Variants in ERAP1 observed in about 807,000 individuals in gnomAD.
ERAP1 encodes endoplasmic reticulum aminopeptidase 1, also known as adipocyte-derived leucine aminopeptidase.
ERAP1 carries 86 observed loss-of-function variants against 103.7 expected under a neutral mutation model. That is an observed-to-expected ratio of 0.83 (90% CI 0.70 to 0.99). The LOEUF is 0.99. Ranked by LOEUF, ERAP1 falls within the 50% of genes least tolerant of loss-of-function variation. The probability of loss-of-function intolerance (pLI) is 0.00; values close to 1 mark genes in which losing one functional copy is unlikely to be tolerated. For synonymous variants in ERAP1, 398 were observed against 402.4 expected (o/e 0.99, Z 0.13); for missense variants, 1,009 against 1,128.4 (o/e 0.89, Z 1.52).
intron 2 of ERAP1, among the ~76,000 whole-genome samples, chr5:96,802,314 T>G (rs1265335041): frequency 6.6e-6 from 1 of 152,094 alleles, no homozygotes; most frequent in African/African-American, 2.4e-5. Flanking sequence ...TAGTCATTTA[T>G]ATAAAACATC....
chr5:96,909,263 C>T, the ERAP1 span: 13 of 746,938 alleles, frequency 1.7e-5, no homozygotes, highest in African/African-American at 2.3e-4. Context: ...GTCAATGACC[C>T]TTGTTCTTTA....
intron 8 of ERAP1, 126 bp from the exon 9 acceptor site, chr5:96,790,769 G>A: frequency 1.2e-6 from 1 of 855,842 alleles, no homozygotes; most frequent in Non-Finnish European, 1.9e-6. Flanking sequence ...TTAATGTCTG[G>A]CAATTTGTGA....
chr5:96,880,404 T>C, the ERAP1 span: 1 of 762,024 alleles, frequency 1.3e-6, no homozygotes. Flanking sequence ...AGATCTACCA[T>C]TCCTTAAGGA....
intron 11 of ERAP1, among the ~76,000 whole-genome samples, chr5:96,787,843 CAT>C: frequency 6.7e-6 from 1 of 148,912 alleles, no homozygotes; most frequent in East Asian, 2.2e-4. Context: ...TACACACACA[CAT>C]ATATCCACAC....
rs746509780 is a variant in ERAP1, at chr5:96,797,169, G to C, written c.798+6C>G. On this transcript the variant is annotated splice_donor_region_variant and intron_variant, in intron 4 of 18. Transcript: ENST00000443439. ...TGGTCACCATATGTGACAGTCATAG[G>C]CTCACCTTGACTCCACTCTTGGTTA... The C allele has an allele frequency of 8.1e-6, 13 of 1,613,942 alleles. 1 individual carries two copies. Among genetic ancestry groups the C allele is most frequent in the Non-Finnish European group, 9.3e-6 (11 of 1,179,960 alleles).
intron 1 of ERAP1, among the ~76,000 whole-genome samples, chr5:96,806,340 T>C (rs2151011715): frequency 1.3e-5 from 2 of 152,338 alleles, no homozygotes; most frequent in Middle Eastern, 6.8e-3. Flanking sequence ...TAAGCAGCTC[T>C]TCCCAAGAGA....
chr5:96,898,836 C>T, the ERAP1 span, among the ~76,000 whole-genome samples: 1 of 152,186 alleles, frequency 6.6e-6, no homozygotes, highest in Admixed American at 6.6e-5. Flanking sequence ...CACACTTTCT[C>T]CATGCTTCCG....
the ERAP1 span, among the ~76,000 whole-genome samples, chr5:96,862,851 C>G: frequency 6.6e-6 from 1 of 151,990 alleles, no homozygotes; most frequent in Admixed American, 6.6e-5. Flanking sequence ...TTCTCTGGGC[C>G]CATCCCTAAG....
At chr5:96,826,792 C>A in the ERAP1 span, among the ~76,000 whole-genome samples, 2 of 152,204 alleles carry the variant, frequency 1.3e-5, no homozygotes, top group African/African-American at 2.4e-5. Context: ...AGGAAGAACT[C>A]CAGCTCACTG....
rs1262510553 is a variant in ERAP1 at position 96,786,439 on chromosome 5, G to A, written c.1759+31C>T. The A allele has an allele frequency of 2.1e-6, 3 of 1,407,874 alleles. No homozygotes were observed. In the South Asian group the frequency reaches 3.5e-5, roughly 16 times the overall value. The allele number at this position is 1,407,874 out of a possible 1,614,324, so 87.2% of individuals were successfully genotyped here. A position where few individuals can be genotyped will look rare whatever the true frequency, so the allele number is the denominator to read the frequency against. On this transcript the variant is annotated intron_variant, in intron 12 of 18. Transcript: ENST00000443439. ...CCTACACATTTTCACATTCCTCCTT[G>A]AATTAACTAGTAGTTTCCAAAATAA... is the stretch of plus-strand genomic sequence containing the variant.
the ERAP1 span, among the ~76,000 whole-genome samples, chr5:96,816,727 A>G: frequency 6.6e-6 from 1 of 152,194 alleles, no homozygotes; most frequent in Non-Finnish European, 1.5e-5. Flanking sequence ...GGCAAAACCC[A>G]CAGAAGACTT....
At chr5:96,814,686 A>G in the ERAP1 span, among the ~76,000 whole-genome samples, 29 of 152,212 alleles carry the variant, frequency 1.9e-4, no homozygotes, top group Non-Finnish European at 3.4e-4. Context: ...CAAATTCAGG[A>G]GAAAGAAGGC....
chr5:96,903,684 A>T, the ERAP1 span: 2 of 837,698 alleles, frequency 2.4e-6, no homozygotes, highest in African/African-American at 3.4e-5. Context: ...GAATTCAAAC[A>T]GTGATCACTA....
the ERAP1 span, chr5:96,896,421 T>C: frequency 2.3e-4 from 369 of 1,612,798 alleles, 1 homozygote; most frequent in African/African-American, 4.4e-3. Flanking sequence ...AAAAGATTCA[T>C]TGAATTCATC....
At position 96,788,692 on chromosome 5, in the gene ERAP1, T is replaced by TGTA. The variant is rs779444635; in HGVS notation, c.1525-10_1525-8dup. On this transcript the variant is annotated splice_polypyrimidine_tract_variant and splice_region_variant and intron_variant, in intron 10 of 18. Coordinates refer to ENST00000443439, the MANE Select transcript of ERAP1 (RefSeq NM_001040458.3). Reference sequence around the variant, plus strand: ...CCCCTTCCTGATGCCAATGCTGGTGTGTACACAAAAAGGCAGACACATCAC... The same window carrying TGTA: ...CCCCTTCCTGATGCCAATGCTGGTGTGTAGTACACAAAAAGGCAGACACATCAC... 6.2e-7 allele frequency: 1 copy of TGTA among 1,613,678 alleles called. No homozygotes were observed. Among genetic ancestry groups the TGTA allele is most frequent in the South Asian group, 1.1e-5 (1 of 91,026 alleles).
the ERAP1 span, among the ~76,000 whole-genome samples, chr5:96,818,301 C>T: frequency 1.6e-4 from 24 of 152,134 alleles, no homozygotes; most frequent in Non-Finnish European, 3.1e-4. Flanking sequence ...TCACACTGCT[C>T]AGGCTCAGTC....
the ERAP1 span, among the ~76,000 whole-genome samples, chr5:96,860,963 CTT>C: frequency 0.051 from 7,335 of 144,412 alleles, 218 homozygotes; most frequent in South Asian, 0.11. Context: ...TCTTTTCTTT[CTT>C]TTTTTTTTTT....
chr5:96,773,701 A>G (rs1188147991), downstream of ERAP1: 1 of 152,306 alleles, frequency 6.6e-6, no homozygotes, highest in East Asian at 1.9e-4. Context: ...TAATATCTTA[A>G]TGAATAGTTC....
the ERAP1 span, among the ~76,000 whole-genome samples, chr5:96,846,277 C>T: frequency 1.3e-5 from 2 of 152,148 alleles, no homozygotes; most frequent in African/African-American, 4.8e-5. Flanking sequence ...GATGGTAATA[C>T]ACATCAAAGT....
Sources: allele counts gnomAD v4.1 joint callset (sites outside exome capture counted in the v4.1 genomes callset), GRCh38; gene constraint gnomAD v4.1.1; transcripts MANE v1.5; gene names NCBI Gene and HGNC (gene_info 2026-07-23, HGNC 2026-07-21).